MCRIP2: variants seen among roughly 807,000 people sequenced by gnomAD.
MCRIP2 encodes the protein MAPK regulated corepressor interacting protein 2.
In MCRIP2, 21 loss-of-function variants were observed where a neutral mutation model predicts 23.2. The observed-to-expected ratio is 0.90, with a 90% CI of 0.64 to 1.30. The LOEUF (loss-of-function observed/expected upper bound fraction) is 1.30. Ranked by LOEUF, MCRIP2 falls within the 50% of genes most tolerant of loss-of-function variation. The probability of loss-of-function intolerance (pLI) is 0.00; values close to 1 mark genes in which losing one functional copy is unlikely to be tolerated. For synonymous variants in MCRIP2, 121 were observed against 100.2 expected, an observed-to-expected ratio of 1.21 and a Z score of -1.24; for missense variants, 234 against 223.2, an observed-to-expected ratio of 1.05 and a Z score of -0.31.
In MCRIP2 at chr16:647,769, C is replaced by G. The variant is rs774512747; in HGVS notation, c.311-14C>G. 11 of 1,554,084 alleles carry G rather than the reference C, an allele frequency of 7.1e-6. No homozygotes were observed. In the South Asian group the frequency reaches 1.3e-4, roughly 18 times the overall value. ...CCTGGGACCTGGCTCAGCCCGACTG[C>G]CCTCCTCCCACAGCCTGGCAGCAGG... On this transcript the variant is annotated splice_polypyrimidine_tract_variant and intron_variant, in intron 3 of 4. Coordinates refer to ENST00000307650, the MANE Select transcript of MCRIP2 (RefSeq NM_138418.4).
chr16:642,184 G>A lies in MCRIP2; in HGVS notation c.117G>A (p.Pro39=). 1 of 1,335,808 alleles carries A rather than the reference G, an allele frequency of 7.5e-7. No individual in the cohort carries two copies. Among genetic ancestry groups the A allele is most frequent in the East Asian group, 3.4e-5 (1 of 29,812 alleles). 82.7% of individuals were successfully genotyped at this position (1,335,808 alleles called of 1,614,324 possible). ...TCCTGAAATGCCGGCAGCCCGCGCC[G>A]CCGACCTCGCAGCCCCCGCGGGCGC... ...GELLKCRQPA[P]PTSQPPRAQP... is the part of the protein sequence containing the mutation. The change falls in exon 2 of 5, where the codon CCG becomes CCA. Residue 39 remains proline (P), a synonymous_variant. Coordinates refer to ENST00000307650, the MANE Select transcript of MCRIP2 (RefSeq NM_138418.4).
rs1400593712 is a variant in MCRIP2 at position 641,935 on chromosome 16, C to T, written c.-57C>T. The T allele has an allele frequency of 3.1e-6, 4 of 1,273,614 alleles. No individual in the cohort carries two copies. Among genetic ancestry groups the T allele is most frequent in the Non-Finnish European group, 4.0e-6 (4 of 1,010,524 alleles). 78.9% of individuals were successfully genotyped at this position (1,273,614 alleles called of 1,614,324 possible). On this transcript the variant is annotated 5_prime_UTR_variant, in exon 1 of 5. Transcript: ENST00000307650. Reference sequence around the variant, plus strand: ...CGCCCGCAGTCCGTTAAGTGCGAGCCCCGGCGCAGGGGCCGGATCTGGCCG... The same window carrying T: ...CGCCCGCAGTCCGTTAAGTGCGAGCTCCGGCGCAGGGGCCGGATCTGGCCG...
In MCRIP2 at chr16:647,859, G is replaced by A. The variant is rs745691518; in HGVS notation, c.387G>A (p.Glu129=). The A allele has an allele frequency of 1.1e-5, 18 of 1,567,858 alleles. No homozygotes were observed. Among genetic ancestry groups the A allele is most frequent in the Non-Finnish European group, 1.5e-5 (17 of 1,157,014 alleles). Reference sequence around the variant, plus strand: ...GGCCAAGGCCTGTGCAGTACGTGGAGAGGACCCCCAATCCCCGGCTGCAGA... The same window carrying A: ...GGCCAAGGCCTGTGCAGTACGTGGAAAGGACCCCCAATCCCCGGCTGCAGA... The part of the protein sequence containing the change: ...EGGPRPVQYV[E]RTPNPRLQNF... The change falls in exon 4 of 5, where the codon GAG becomes GAA. Residue 129 remains glutamate, a synonymous_variant. Coordinates refer to ENST00000307650, the MANE Select transcript of MCRIP2 (RefSeq NM_138418.4).
rs1407083118 is a variant in MCRIP2, at chr16:641,865, C to CT, written c.-124dup. The CT allele has an allele frequency of 4.7e-5, 42 of 889,770 alleles. No homozygotes were observed. In the East Asian group the frequency reaches 1.5e-3, roughly 31 times the overall value. 55.1% of individuals were successfully genotyped at this position (889,770 alleles called of 1,614,324 possible). On this transcript the variant is annotated 5_prime_UTR_variant, in exon 1 of 5. Coordinates refer to ENST00000307650, the MANE Select transcript of MCRIP2 (RefSeq NM_138418.4). ...GGGTCAGCCCGAGCCCGTGCGGGCC[C>CT]TTTAAGGGCCGGGGGCGTGTAGCGG...
intron 2 of MCRIP2, chr16:642,974 G>C (rs2037388385): frequency 6.6e-6 from 1 of 152,620 alleles, no homozygotes; most frequent in Admixed American, 6.5e-5. Context: ...TCCTGGAGGT[G>C]GTAGGGTCAT....
Position 642,003 on chromosome 16 carries a change from C to G in MCRIP2, c.12C>G (p.Ile4Met), listed in dbSNP as rs773693405. The G allele has an allele frequency of 7.5e-7, 1 of 1,329,438 alleles. No homozygotes were observed. Among genetic ancestry groups the G allele is most frequent in the Middle Eastern group, 2.4e-4 (1 of 4,164 alleles). 82.4% of individuals were successfully genotyped at this position (1,329,438 alleles called of 1,614,324 possible). MYT[I>M]TKGPSKLVAQ... ...GGGAGCGGCGCGTCATGTACACCAT[C>G]ACCAAGGGGCCCAGCAAGCTGGTCG... The change falls in exon 1 of 5, where the codon ATC becomes ATG. Residue 4 changes from isoleucine (I) to methionine (M), a missense_variant. By Grantham distance (10) the Ile-to-Met change is conservative. Coordinates refer to ENST00000307650, the MANE Select transcript of MCRIP2 (RefSeq NM_138418.4).
chr16:641,943 A>G lies in MCRIP2; in HGVS notation c.-49A>G. 1 of 1,279,192 alleles carries G rather than the reference A, an allele frequency of 7.8e-7. No individual in the cohort carries two copies. Among genetic ancestry groups the G allele is most frequent in the South Asian group, 2.4e-5 (1 of 41,350 alleles). 79.2% of individuals were successfully genotyped at this position (1,279,192 alleles called of 1,614,324 possible). A position where few individuals can be genotyped will look rare whatever the true frequency, so the allele number is the denominator to read the frequency against. ...GTCCGTTAAGTGCGAGCCCCGGCGC[A>G]GGGGCCGGATCTGGCCGGGGGCCGG... On this transcript the variant is annotated 5_prime_UTR_variant, in exon 1 of 5. Transcript: ENST00000307650.
In MCRIP2 at chr16:647,431, T is replaced by G. The variant is rs372150023; in HGVS notation, c.197T>G (p.Leu66Arg). Reference protein sequence around the residue: ...PWPLSSPGPRLVFNRVNGRRA... With the variant: ...PWPLSSPGPRRVFNRVNGRRA... ...CCTTCCTGCAGTCCAGGGCCAAGGC[T>G]TGTGTTCAATCGTGTGAATGGCCGG... Residue 66 changes from leucine (L) to arginine (R), a missense_variant, in exon 3 of 5, where the codon CTT becomes CGT. Leu to Arg is a moderately radical substitution (Grantham distance 102). Coordinates refer to ENST00000307650, the MANE Select transcript of MCRIP2 (RefSeq NM_138418.4). The G allele has an allele frequency of 2.5e-6, 4 of 1,613,338 alleles. No homozygotes were observed. The highest frequency in any genetic ancestry group is 2.5e-6 in the Non-Finnish European group (3 of 1,179,914).
chr16:641,849 C>T lies in MCRIP2; in HGVS notation c.-143C>T, dbSNP rs918473018. The T allele has an allele frequency of 4.2e-6, 3 of 718,170 alleles. No individual in the cohort carries two copies. The highest frequency in any genetic ancestry group is 1.9e-5 in the African/African-American group (1 of 53,598). The allele number at this position is 718,170 out of a possible 1,614,324, so 44.5% of individuals were successfully genotyped here. On this transcript the variant is annotated 5_prime_UTR_variant, in exon 1 of 5. Transcript: ENST00000307650. ...CTCCGCCGCGTGTCCGGGGTCAGCC[C>T]GAGCCCGTGCGGGCCCTTTAAGGGC...
In MCRIP2 at chr16:642,027, C is replaced by A. The variant is rs1450104540; in HGVS notation, c.36C>A (p.Val12=). Residue 12 remains valine, a synonymous_variant, in exon 1 of 5, where the codon GTC becomes GTA. Coordinates refer to ENST00000307650, the MANE Select transcript of MCRIP2 (RefSeq NM_138418.4). ...TCACCAAGGGGCCCAGCAAGCTGGT[C>A]GCGCAGCGCCGCACAGGTGCGCACG... ...YTITKGPSKL[V]AQRRTGPTQQ... The A allele has an allele frequency of 1.5e-6, 2 of 1,322,056 alleles. No homozygotes were observed. The highest frequency in any genetic ancestry group is 1.5e-5 in the African/African-American group (1 of 64,644). 81.9% of individuals were successfully genotyped at this position (1,322,056 alleles called of 1,614,324 possible). A position where few individuals can be genotyped will look rare whatever the true frequency, so the allele number is the denominator to read the frequency against.
intron 2 of MCRIP2, among the ~76,000 whole-genome samples, chr16:644,103 A>G (rs552893252): frequency 8.6e-5 from 13 of 151,572 alleles, no homozygotes; most frequent in Non-Finnish European, 4.4e-5. Context: ...TTTTTTTGAA[A>G]TGGAGTTTTG....
intron 2 of MCRIP2, 142 bp downstream of exon 2, chr16:642,391 G>T (rs1596448099): frequency 8.6e-6 from 7 of 813,148 alleles, no homozygotes; most frequent in African/African-American, 1.8e-5. Context: ...GGGCGCGGGG[G>T]GTGCGCGGGT....
intron 3 of MCRIP2, 83 bp downstream of exon 3, chr16:647,627 C>T: frequency 6.4e-7 from 1 of 1,571,704 alleles, no homozygotes; most frequent in South Asian, 1.1e-5. Flanking sequence ...TCAAGCTGAC[C>T]CACAGCCGCT....
In MCRIP2 at chr16:647,472, T is replaced by C. The variant is rs762558733; in HGVS notation, c.238T>C (p.Ser80Pro). 4.4e-5 allele frequency: 71 copies of C among 1,612,508 alleles called. No homozygotes were observed. The highest frequency in any genetic ancestry group is 5.9e-5 in the Non-Finnish European group (70 of 1,179,782). The part of the protein sequence containing the change: ...RVNGRRAPST[S>P]PSFEGTQETY... ...GAATGGCCGGCGGGCCCCCTCCACG[T>C]CCCCATCCTTCGAGGGGACCCAGGA... The change falls in exon 3 of 5, where the codon TCC becomes CCC. Residue 80 changes from serine (S) to proline (P), a missense_variant. Transcript: ENST00000307650.
In MCRIP2 at chr16:647,171, C is replaced by T. The variant is rs1426446781; in HGVS notation, c.183-246C>T. On this transcript the variant is annotated intron_variant, in intron 2 of 4. Coordinates refer to ENST00000307650, the MANE Select transcript of MCRIP2 (RefSeq NM_138418.4). The stretch of plus-strand genomic sequence containing the variant: ...ACACTCTAAGACTGAGGCCCCCACC[C>T]TACAGTCACTCACTTCCCTCAGGAC... The T allele has an allele frequency of 6.9e-6, 4 of 581,924 alleles. No individual in the cohort carries two copies. In the Admixed American group the frequency reaches 9.1e-5, roughly 13 times the overall value. The allele number at this position is 581,924 out of a possible 1,614,324, so 36.0% of individuals were successfully genotyped here.
At position 646,143 on chromosome 16, in the gene MCRIP2, G is replaced by C. The variant is rs1237432652; in HGVS notation, c.183-1274G>C. On this transcript the variant is annotated intron_variant, in intron 2 of 4. Coordinates refer to ENST00000307650, the MANE Select transcript of MCRIP2 (RefSeq NM_138418.4). This position sits in a 1 kb window ranked among gnomAD's most constrained non-coding sequence, Gnocchi z 6.5. ...TGCCTGCCTCCTGGGGCCCATCTCT[G>C]CCCGAGAGCCGCCACCTCCGCCCTT... The C allele has an allele frequency of 6.6e-6, 1 of 152,152 alleles. No individual in the cohort carries two copies. The highest frequency in any genetic ancestry group is 6.5e-5 in the Admixed American group (1 of 15,282). 9.4% of individuals were successfully genotyped at this position (152,152 alleles called of 1,614,324 possible). A position where few individuals can be genotyped will look rare whatever the true frequency, so the allele number is the denominator to read the frequency against.
At position 647,941 on chromosome 16, in the gene MCRIP2, C is replaced by T; in HGVS notation, c.412+57C>T. On this transcript the variant is annotated intron_variant, in intron 4 of 4. Coordinates refer to ENST00000307650, the MANE Select transcript of MCRIP2 (RefSeq NM_138418.4). ...GACCCCCCAGCCCCTCTGATCCTGACCCAGGCCCTGCCAGGTTCCCACCCC... is the reference window on the plus strand; with the variant it reads ...GACCCCCCAGCCCCTCTGATCCTGATCCAGGCCCTGCCAGGTTCCCACCCC... The T allele has an allele frequency of 4.1e-6, 5 of 1,209,566 alleles. No homozygotes were observed. The South Asian group carries it at 5.4e-5, about 13-fold the overall frequency. 74.9% of individuals were successfully genotyped at this position (1,209,566 alleles called of 1,614,324 possible).
In MCRIP2 at chr16:647,557, G is replaced by C. The variant is rs376632852; in HGVS notation, c.310+13G>C. 1 of 1,612,410 alleles carries C rather than the reference G, an allele frequency of 6.2e-7. No homozygotes were observed. Among genetic ancestry groups the C allele is most frequent in the African/African-American group, 1.3e-5 (1 of 74,940 alleles). On this transcript the variant is annotated intron_variant, in intron 3 of 4. Coordinates refer to ENST00000307650, the MANE Select transcript of MCRIP2 (RefSeq NM_138418.4). ...TTTGTGTCCGAAGGTAGCGAGCGGG[G>C]CCAGAGGGTGCGGCATAGGCTGCTG...
At position 642,256 on chromosome 16, in the gene MCRIP2, C is replaced by A; in HGVS notation, c.182+7C>A. Reference sequence around the variant, plus strand: ...GACCCTGGCCCCTGTCGAGGTGAGACGCGCGCGGCCCCGGCCCGGCCCGGC... The same window carrying A: ...GACCCTGGCCCCTGTCGAGGTGAGAAGCGCGCGGCCCCGGCCCGGCCCGGC... On this transcript the variant is annotated splice_region_variant and intron_variant, in intron 2 of 4. Coordinates refer to ENST00000307650, the MANE Select transcript of MCRIP2 (RefSeq NM_138418.4). The A allele has an allele frequency of 1.7e-6, 2 of 1,180,328 alleles. No homozygotes were observed. Among genetic ancestry groups the A allele is most frequent in the African/African-American group, 1.6e-5 (1 of 62,158 alleles). 73.1% of individuals were successfully genotyped at this position (1,180,328 alleles called of 1,614,324 possible).
Sources: allele counts gnomAD v4.1 joint callset (sites outside exome capture counted in the v4.1 genomes callset), GRCh38; gene constraint gnomAD v4.1.1; non-coding constraint Gnocchi (gnomAD v3.1); transcripts MANE v1.5; gene names NCBI Gene and HGNC (gene_info 2026-07-23, HGNC 2026-07-21).